The following EHBP1 variants were observed in gnomAD, a reference collection of about 807,000 sequenced individuals.
The protein encoded by EHBP1 is EH domain-binding protein 1.
Under a neutral mutation model 144.0 loss-of-function variants are expected in EHBP1, and 55 were observed. The observed-to-expected ratio is 0.38, with a 90% CI of 0.31 to 0.48. EHBP1 has a LOEUF of 0.48. EHBP1 is among the 20% of genes least tolerant of loss of function. The probability of loss-of-function intolerance (pLI) is 0.98; values close to 1 mark genes in which losing one functional copy is unlikely to be tolerated. For synonymous variants in EHBP1, 469 were observed against 472.7 expected (o/e 0.99, Z 0.10); for missense variants, 1,200 against 1,364.2 (o/e 0.88, Z 1.90).
upstream of EHBP1, chr2:62,705,509 A>AT (rs1173168047): frequency 7.2e-5 from 11 of 151,790 alleles, no homozygotes; most frequent in Admixed American, 7.2e-4. Context: ...TTTAAAAAAA[A>AT]GGTAGCCTGT....
chr2:62,681,174 A>G (rs1051705291), intron 1 of EHBP1, among the ~76,000 whole-genome samples: 1 of 150,802 alleles, frequency 6.6e-6, no homozygotes, highest in Non-Finnish European at 1.5e-5. Context: ...TTAGCCAGGC[A>G]TGGTGGTGGC....
At chr2:62,953,777 A>T (rs1249898674) in intron 13 of EHBP1, among the ~76,000 whole-genome samples, 1 of 152,096 alleles carries the variant, frequency 6.6e-6, no homozygotes, top group East Asian at 1.9e-4. Context: ...AATTAAAAAA[A>T]AACTGTGTTT....
At chr2:62,896,850 A>G (rs1204117157) in intron 10 of EHBP1, among the ~76,000 whole-genome samples, 1 of 152,138 alleles carries the variant, frequency 6.6e-6, no homozygotes, top group Non-Finnish European at 1.5e-5. Context: ...CTCTCTGGTT[A>G]AAGTCACTCA....
At position 62,948,602 on chromosome 2, in the gene EHBP1, G is replaced by A; in HGVS notation, c.1756G>A (p.Val586Ile). ...CTCTGTATTTGTAAATGATAGCGGGGTTGGAGAGTCAGAAAGTGAGCATCA... is the reference window on the plus strand; with the variant it reads ...CTCTGTATTTGTAAATGATAGCGGGATTGGAGAGTCAGAAAGTGAGCATCA... ...DDSVFVNDSG[V>I]GESESEHQTP... The change falls in exon 13 of 23, where the codon GTT becomes ATT. Residue 586 changes from valine to isoleucine, a missense_variant. By Grantham distance (29) the Val-to-Ile change is conservative. Around this residue, in one of 6 missense-constraint regions of EHBP1, gnomAD observed 543 missense variants for 513.1 expected, o/e 1.06. Coordinates refer to ENST00000431489, the MANE Select transcript of EHBP1 (RefSeq NM_001142616.3). 2 of 1,614,002 alleles carry A rather than the reference G, an allele frequency of 1.2e-6. No homozygotes were observed. Among genetic ancestry groups the A allele is most frequent in the South Asian group, 1.1e-5 (1 of 91,078 alleles).
At chr2:62,800,239 GA>G (rs1055858547) in intron 5 of EHBP1, among the ~76,000 whole-genome samples, 10 of 152,040 alleles carry the variant, frequency 6.6e-5, no homozygotes, top group Admixed American at 2.0e-4. Flanking sequence ...GAGTGTCCTT[GA>G]AAAAAATCTC....
At chr2:62,756,330 T>C (rs186182805) in intron 3 of EHBP1, among the ~76,000 whole-genome samples, 2 of 152,324 alleles carry the variant, frequency 1.3e-5, no homozygotes, top group East Asian at 3.9e-4. Context: ...AAATTACTTA[T>C]TGTTGGATGA....
rs78997589 is a variant in EHBP1, at chr2:62,978,869, G to T, written c.2461-319G>T. Among the ~76,000 whole-genome samples the T allele has an allele frequency of 9.5e-3, 1,444 of 152,216 alleles. 16 individuals are homozygous for T. The highest frequency in any genetic ancestry group is 0.013 in the Non-Finnish European group (872 of 67,998). On this transcript the variant is annotated intron_variant, in intron 14 of 22. Transcript: ENST00000431489. The stretch of plus-strand genomic sequence containing the variant: ...AAAACATGAATTAAAATTCTGTTCA[G>T]TATTGTGACTTTTTTCTGTAAGCTG...
intron 8 of EHBP1, among the ~76,000 whole-genome samples, chr2:62,864,389 A>G (rs1460610853): frequency 2.0e-5 from 3 of 152,236 alleles, no homozygotes; most frequent in African/African-American, 7.2e-5. Flanking sequence ...ATAAAAGAAT[A>G]TAATTTTGCA....
chr2:62,747,346 CTTTA>C (rs1304894021), intron 2 of EHBP1, 45 bp from the exon 3 acceptor site: 16 of 1,563,306 alleles, frequency 1.0e-5, no homozygotes, highest in Admixed American at 3.5e-5. Context: ...TAAAATGAAA[CTTTA>C]TTTATTTAAG....
At chr2:62,781,717 T>C (rs539076509) in intron 5 of EHBP1, among the ~76,000 whole-genome samples, 7 of 152,298 alleles carry the variant, frequency 4.6e-5, no homozygotes, top group African/African-American at 1.7e-4. Flanking sequence ...TTTCACTTTT[T>C]AAAGAGTGGT....
At chr2:62,682,604 G>C (rs1449580235) in intron 1 of EHBP1, among the ~76,000 whole-genome samples, 1 of 152,184 alleles carries the variant, frequency 6.6e-6, no homozygotes, top group Non-Finnish European at 1.5e-5. Context: ...GATTGACAAA[G>C]TCTAGAAATA....
chr2:62,891,410 T>C (rs566225290), intron 10 of EHBP1, among the ~76,000 whole-genome samples: 1 of 152,268 alleles, frequency 6.6e-6, no homozygotes, highest in Non-Finnish European at 1.5e-5. Flanking sequence ...TTGAAAGGCT[T>C]GAAGAGCAAG....
At chr2:62,733,253 C>G (rs1156643184) in intron 2 of EHBP1, among the ~76,000 whole-genome samples, 1 of 152,168 alleles carries the variant, frequency 6.6e-6, no homozygotes, top group Non-Finnish European at 1.5e-5. Flanking sequence ...GAGTTGGGCT[C>G]TGTTTACTGT....
intron 7 of EHBP1, among the ~76,000 whole-genome samples, 168 bp from the exon 8 acceptor site, chr2:62,859,001 G>C (rs1181982486): frequency 6.6e-6 from 1 of 152,096 alleles, no homozygotes; most frequent in Non-Finnish European, 1.5e-5. Flanking sequence ...GTTTGAAAAT[G>C]TTGGTATGCT....
intron 2 of EHBP1, among the ~76,000 whole-genome samples, chr2:62,726,920 T>C (rs927042034): frequency 1.3e-5 from 2 of 152,068 alleles, no homozygotes; most frequent in Non-Finnish European, 2.9e-5. Flanking sequence ...TGGAGTGCAG[T>C]GGTGCGATCT....
chr2:62,897,434 T>G (rs1434589071), intron 10 of EHBP1, among the ~76,000 whole-genome samples: 1 of 152,240 alleles, frequency 6.6e-6, no homozygotes, highest in Non-Finnish European at 1.5e-5. Context: ...TTATTTCATA[T>G]ATGTTGGATA....
chr2:62,746,109 G>A (rs2039124102), intron 2 of EHBP1, among the ~76,000 whole-genome samples: 1 of 151,964 alleles, frequency 6.6e-6, no homozygotes, highest in Non-Finnish European at 1.5e-5. Flanking sequence ...TTCAAATGAG[G>A]TAGCTTACAT....
At chr2:63,041,418 C>A (rs2061655342) in intron 21 of EHBP1, among the ~76,000 whole-genome samples, 1 of 152,116 alleles carries the variant, frequency 6.6e-6, no homozygotes, top group Non-Finnish European at 1.5e-5. Flanking sequence ...GTGGTATGTT[C>A]ATTTTCTGCA....
At chr2:62,816,160 A>G (rs1265381267) in intron 5 of EHBP1, among the ~76,000 whole-genome samples, 1 of 152,154 alleles carries the variant, frequency 6.6e-6, no homozygotes, top group Non-Finnish European at 1.5e-5. Flanking sequence ...CATATACTTC[A>G]ACCAAAACAG....
Sources: allele counts gnomAD v4.1 joint callset (sites outside exome capture counted in the v4.1 genomes callset), GRCh38; gene constraint gnomAD v4.1.1; regional missense constraint gnomAD v4.1.1; transcripts MANE v1.5; gene names NCBI Gene and HGNC (gene_info 2026-07-23, HGNC 2026-07-21).